YES1: variants seen among roughly 807,000 people sequenced by gnomAD.
YES1 encodes the protein tyrosine-protein kinase Yes.
In YES1, 39 loss-of-function variants were observed where a neutral mutation model predicts 70.4. The observed-to-expected ratio is 0.55, with a 90% confidence interval of 0.43 to 0.72. YES1 has a LOEUF of 0.72. YES1 is among the 30% of genes least tolerant of loss of function. The pLI, the probability that YES1 is intolerant of heterozygous loss-of-function variation, is 0.00. For synonymous variants in YES1, 198 were observed against 218.6 expected (o/e 0.91, Z 0.83); for missense variants, 495 against 644.8 (o/e 0.77, Z 2.52).
In YES1 at chr18:722,709, C is replaced by T. The variant is rs1225179169; in HGVS notation, c.*1715G>A. 6.6e-6 allele frequency: 1 copy of T among 152,118 alleles called. No homozygotes were observed. Among genetic ancestry groups the T allele is most frequent in the Non-Finnish European group, 1.5e-5 (1 of 68,024 alleles). The allele number at this position is 152,118 out of a possible 1,614,324, so 9.4% of individuals were successfully genotyped here. ...GGTAAAAACTGTCCCCTTTTCACCA[C>T]CGTTAATATTCAGAATAAGTTTTCC... On this transcript the variant is annotated 3_prime_UTR_variant, in exon 12 of 12. Coordinates refer to ENST00000314574, the MANE Select transcript of YES1 (RefSeq NM_005433.4).
intron 1 of YES1, 53 bp from the exon 2 acceptor site, chr18:756,888 A>G: frequency 1.3e-6 from 2 of 1,499,492 alleles, no homozygotes; most frequent in Non-Finnish European, 1.8e-6. Context: ...GGATACTTCA[A>G]AAAGACAGGG....
intron 1 of YES1, among the ~76,000 whole-genome samples, chr18:782,261 A>G (rs1905710281): frequency 6.6e-6 from 1 of 152,202 alleles, no homozygotes; most frequent in South Asian, 2.1e-4. Flanking sequence ...CATGGCTGGC[A>G]ATAGTCCCAG....
intron 8 of YES1, among the ~76,000 whole-genome samples, chr18:742,148 A>G (rs1253787096): frequency 6.6e-6 from 1 of 152,194 alleles, no homozygotes; most frequent in African/African-American, 2.4e-5. Context: ...AATCAAACAC[A>G]TAAAAATCAG....
chr18:789,616 C>T (rs779520964), intron 1 of YES1, among the ~76,000 whole-genome samples: 1 of 152,080 alleles, frequency 6.6e-6, no homozygotes, highest in Non-Finnish European at 1.5e-5. Flanking sequence ...AACAAAAAAA[C>T]CCAACAACGT....
intron 1 of YES1, among the ~76,000 whole-genome samples, chr18:770,323 G>A (rs1242047994): frequency 6.9e-6 from 1 of 144,320 alleles, no homozygotes; most frequent in Non-Finnish European, 1.5e-5. Flanking sequence ...GTCCTTCAAT[G>A]TGAGTGATCA....
At chr18:788,421 T>C (rs1169101994) in intron 1 of YES1, among the ~76,000 whole-genome samples, 2 of 152,222 alleles carry the variant, frequency 1.3e-5, no homozygotes, top group African/African-American at 2.4e-5. Flanking sequence ...CCTAAAATCA[T>C]TGTTTAAAAT....
At chr18:753,482 C>A (rs923446836) in intron 2 of YES1, among the ~76,000 whole-genome samples, 2 of 151,528 alleles carry the variant, frequency 1.3e-5, no homozygotes, top group African/African-American at 4.8e-5. Flanking sequence ...CTTGTCAGAT[C>A]AAAAAAAAAT....
intron 1 of YES1, among the ~76,000 whole-genome samples, chr18:764,808 C>T (rs959355748): frequency 6.6e-6 from 1 of 151,920 alleles, no homozygotes; most frequent in Admixed American, 6.6e-5. Context: ...TCTCGACTCA[C>T]TGTAACCTCC....
At chr18:731,033 C>G (rs575069637) in intron 11 of YES1, among the ~76,000 whole-genome samples, 2 of 152,156 alleles carry the variant, frequency 1.3e-5, no homozygotes, top group East Asian at 1.9e-4. Flanking sequence ...GGGTGAGAAG[C>G]AGGAAAAGGT....
intron 1 of YES1, among the ~76,000 whole-genome samples, chr18:757,261 T>TGCA (rs2080421366): frequency 6.6e-6 from 1 of 152,076 alleles, no homozygotes; most frequent in Admixed American, 6.6e-5. Flanking sequence ...CCCAGCACTT[T>TGCA]GGGAGGCCAA....
intron 4 of YES1, among the ~76,000 whole-genome samples, chr18:747,235 T>C (rs1156737131): frequency 6.6e-6 from 1 of 152,234 alleles, no homozygotes. Context: ...TTTGGAAGGC[T>C]GAGGCGGGTG....
intron 11 of YES1, among the ~76,000 whole-genome samples, chr18:731,802 C>T (rs1368881858): frequency 6.6e-6 from 1 of 151,744 alleles, no homozygotes; most frequent in Non-Finnish European, 1.5e-5. Context: ...CCCGTCTCTA[C>T]TAAAAATACA....
intron 2 of YES1, among the ~76,000 whole-genome samples, chr18:755,664 T>C (rs1463843788): frequency 2.6e-5 from 4 of 152,142 alleles, no homozygotes; most frequent in Non-Finnish European, 4.4e-5. Context: ...TGAGGACATA[T>C]ATTGCTTGAT....
intron 1 of YES1, among the ~76,000 whole-genome samples, chr18:811,339 T>G (rs184699143): frequency 2.0e-5 from 3 of 152,310 alleles, no homozygotes; most frequent in African/African-American, 7.2e-5. Flanking sequence ...TAAGTCCTAC[T>G]CATTACAAAA....
chr18:781,927 A>G (rs566157548), intron 1 of YES1, among the ~76,000 whole-genome samples: 57 of 152,328 alleles, frequency 3.7e-4, no homozygotes, highest in African/African-American at 1.3e-3. Flanking sequence ...TTAAGCAAAA[A>G]GGGGATTTTT....
At chr18:730,323 CT>C (rs890338324) in intron 11 of YES1, among the ~76,000 whole-genome samples, 1 of 151,312 alleles carries the variant, frequency 6.6e-6, no homozygotes, top group African/African-American at 2.4e-5. Flanking sequence ...CAGATTAGAA[CT>C]GACCAAGGAC....
chr18:741,511 G>A (rs888617875), intron 8 of YES1, among the ~76,000 whole-genome samples: 1 of 152,098 alleles, frequency 6.6e-6, no homozygotes, highest in Non-Finnish European at 1.5e-5. Context: ...CTCTTTGAAA[G>A]GGCATATTTG....
chr18:787,390 G>A (rs889687687), intron 1 of YES1, among the ~76,000 whole-genome samples: 46 of 151,414 alleles, frequency 3.0e-4, no homozygotes, highest in Non-Finnish European at 3.2e-4. Flanking sequence ...GAGCCACCGC[G>A]CCCAGCTGAT....
Position 724,249 on chromosome 18 carries a change from T to A in YES1, c.*175A>T. 1 of 616,476 alleles carries A rather than the reference T, an allele frequency of 1.6e-6. No homozygotes were observed. The highest frequency in any genetic ancestry group is 1.8e-5 in the African/African-American group (1 of 54,206). 38.2% of individuals were successfully genotyped at this position (616,476 alleles called of 1,614,324 possible). On this transcript the variant is annotated 3_prime_UTR_variant, in exon 12 of 12. Transcript: ENST00000314574. ...GCTGATAAATTCATCATTGGTACATTAGAGTTTAATACTTGGGGAAAAAAA... is the reference window on the plus strand; with the variant it reads ...GCTGATAAATTCATCATTGGTACATAAGAGTTTAATACTTGGGGAAAAAAA...
Sources: gnomAD v4.1 joint callset for allele counts (sites outside exome capture counted in the v4.1 genomes callset) on GRCh38, gnomAD v4.1.1 for gene constraint, MANE v1.5 for transcripts, NCBI Gene and HGNC (gene_info 2026-07-23, HGNC 2026-07-21) for gene names.